Variants in DHRS2 observed in about 807,000 individuals in gnomAD.
DHRS2 encodes the protein dehydrogenase/reductase SDR family member 2, mitochondrial.
DHRS2 carries 29 observed loss-of-function variants against 26.3 expected under a neutral mutation model. That is an observed-to-expected ratio of 1.10 (90% confidence interval 0.82 to 1.50). DHRS2 has a LOEUF of 1.50. Ranked by LOEUF, DHRS2 falls within the 40% of genes most tolerant of loss-of-function variation. The pLI, the probability that DHRS2 is intolerant of heterozygous loss-of-function variation, is 0.00. For missense variants in DHRS2, 439 were observed against 367.1 expected, an observed-to-expected ratio of 1.20 and a Z score of -1.60; for synonymous variants, 164 against 151.3, an observed-to-expected ratio of 1.08 and a Z score of -0.62.
chr14:23,643,100 C>G lies in DHRS2; in HGVS notation c.421-52C>G, dbSNP rs374565133. On this transcript the variant is annotated intron_variant, in intron 4 of 8. Coordinates refer to ENST00000250383, the MANE Select transcript of DHRS2 (RefSeq NM_005794.4). Reference sequence around the variant, plus strand: ...CTCCAAGTGTCTTATGAGAGCAGGACTTGGGCTGACCATGTCTCTCTGCCC... The same window carrying G: ...CTCCAAGTGTCTTATGAGAGCAGGAGTTGGGCTGACCATGTCTCTCTGCCC... 353 of 1,588,420 alleles carry G rather than the reference C, an allele frequency of 2.2e-4. 3 individuals are homozygous for G. The East Asian group carries it at 5.2e-3, about 23-fold the overall frequency.
chr14:23,636,588 C>G lies in DHRS2; in HGVS notation c.-223C>G, dbSNP rs1890298899. ...TCTTTAAGAACCGTAATACTCACCG[C>G]AAGGGTCTGCAACTTCATTCTTGAA... On this transcript the variant is annotated 5_prime_UTR_variant, in exon 1 of 9. Coordinates refer to ENST00000250383, the MANE Select transcript of DHRS2 (RefSeq NM_005794.4). 1 of 152,098 alleles carries G rather than the reference C, an allele frequency of 6.6e-6. No individual in the cohort carries two copies. The highest frequency in any genetic ancestry group is 1.9e-4 in the East Asian group (1 of 5,176). 9.4% of individuals were successfully genotyped at this position (152,098 alleles called of 1,614,324 possible).
intron 5 of DHRS2, 188 bp from the exon 6 acceptor site, chr14:23,643,923 C>T (rs1890766958): frequency 6.4e-6 from 4 of 622,252 alleles, no homozygotes; most frequent in Non-Finnish European, 1.2e-5. Context: ...GGCATGGAAT[C>T]CTAGCTCTGC....
intron 1 of DHRS2, chr14:23,638,599 TGA>T (rs1890462884): frequency 2.4e-6 from 1 of 421,540 alleles, no homozygotes; most frequent in African/African-American, 2.0e-5. Context: ...TAATGAATGT[TGA>T]GTCTCACATT....
At chr14:23,636,127 G>T (rs182490989), upstream of DHRS2, among the ~76,000 whole-genome samples, 1 of 151,994 alleles carries the variant, frequency 6.6e-6, no homozygotes, top group Non-Finnish European at 1.5e-5. Context: ...GGGACTTGGA[G>T]AACTTTTGTG....
intron 1 of DHRS2, chr14:23,637,944 C>T (rs540200193): frequency 6.6e-6 from 1 of 152,332 alleles, no homozygotes; most frequent in African/African-American, 2.4e-5. Context: ...AGCAGGCCAC[C>T]CGAGCCAGCA....
chr14:23,640,438 C>G, intron 4 of DHRS2: 1 of 985,442 alleles, frequency 1.0e-6, no homozygotes, highest in Non-Finnish European at 1.2e-6. Flanking sequence ...TGCTGTAAGT[C>G]CATTCAAGGA....
chr14:23,631,550 C>T (rs56234039), upstream of DHRS2, among the ~76,000 whole-genome samples: 13,020 of 151,552 alleles, frequency 0.086, 2,008 homozygotes, highest in African/African-American at 0.3. Context: ...CTTCCTCTAC[C>T]CCCCCCACCC....
rs765023046 is a variant in DHRS2 at position 23,643,176 on chromosome 14, C to G, written c.445C>G (p.Pro149Ala). The change falls in exon 5 of 9, where the codon CCA becomes GCA. Residue 149 changes from proline (P) to alanine (A), a missense_variant. Transcript: ENST00000250383. ...DKILSVNVKSPALLLSQLLPY... is the reference protein window; with the variant it reads ...DKILSVNVKSAALLLSQLLPY... ...GATCCTAAGTGTGAACGTGAAGTCC[C>G]CAGCCCTGCTGCTGAGCCAGTTGCT... 11 of 1,614,062 alleles carry G rather than the reference C, an allele frequency of 6.8e-6. No homozygotes were observed. Among genetic ancestry groups the G allele is most frequent in the Non-Finnish European group, 8.5e-6 (10 of 1,180,016 alleles).
At chr14:23,634,699 T>C (rs906388664), upstream of DHRS2, among the ~76,000 whole-genome samples, 1 of 152,190 alleles carries the variant, frequency 6.6e-6, no homozygotes, top group African/African-American at 2.4e-5. Flanking sequence ...CCACCGTTAA[T>C]AGGCATATAG....
intron 1 of DHRS2, 121 bp from the exon 2 acceptor site, chr14:23,638,706 C>A (rs1320547471): frequency 2.2e-5 from 23 of 1,047,646 alleles, no homozygotes; most frequent in Non-Finnish European, 3.2e-5. Flanking sequence ...TTTACCCTAA[C>A]CAGCCTGACT....
chr14:23,644,008 GT>G, intron 5 of DHRS2, 102 bp from the exon 6 acceptor site: 1 of 1,187,384 alleles, frequency 8.4e-7, no homozygotes, highest in South Asian at 1.2e-5. Flanking sequence ...AATAGGACCT[GT>G]GTTGCTTCTG....
chr14:23,641,719 G>A (rs1396092994), intron 4 of DHRS2: 3 of 1,289,820 alleles, frequency 2.3e-6, no homozygotes, highest in Admixed American at 4.6e-5. Context: ...TGCAGTCATT[G>A]GGGGTCATCC....
Position 23,639,365 on chromosome 14 carries a change from GC to G in DHRS2, c.318+10del. 1 of 1,557,900 alleles carries G rather than the reference GC, an allele frequency of 6.4e-7. No individual in the cohort carries two copies. Among genetic ancestry groups the G allele is most frequent in the Non-Finnish European group, 8.7e-7 (1 of 1,154,362 alleles). On this transcript the variant is annotated intron_variant, in intron 3 of 8. Transcript: ENST00000250383. ...AGCAGCTGGTGGCCAAGGTGAGGGG[GC>G]AGGCGGTGGAAGGACACAGAGAGGG...
upstream of DHRS2, among the ~76,000 whole-genome samples, chr14:23,633,083 G>A (rs1440734448): frequency 2.0e-5 from 3 of 152,194 alleles, no homozygotes; most frequent in African/African-American, 7.2e-5. Flanking sequence ...TGGGAAATTA[G>A]GATTTGGGTG....
chr14:23,638,628 T>C lies in DHRS2; in HGVS notation c.-38-199T>C, dbSNP rs182724090. 3 of 492,504 alleles carry C rather than the reference T, an allele frequency of 6.1e-6. No homozygotes were observed. In the East Asian group the frequency reaches 1.1e-4, roughly 18 times the overall value. 30.5% of individuals were successfully genotyped at this position (492,504 alleles called of 1,614,324 possible). A position where few individuals can be genotyped will look rare whatever the true frequency, so the allele number is the denominator to read the frequency against. ...TCTCACATTTTAATTTGTGAATAAT[T>C]TCCCCAGTTTTATAGCTTAGGAGTT... On this transcript the variant is annotated intron_variant, in intron 1 of 8. Transcript: ENST00000250383.
In DHRS2 at chr14:23,645,514, G is replaced by T. The variant is rs1890843467; in HGVS notation, c.*261G>T. 1 of 587,242 alleles carries T rather than the reference G, an allele frequency of 1.7e-6. No homozygotes were observed. The allele number at this position is 587,242 out of a possible 1,614,324, so 36.4% of individuals were successfully genotyped here. On this transcript the variant is annotated 3_prime_UTR_variant, in exon 9 of 9. Coordinates refer to ENST00000250383, the MANE Select transcript of DHRS2 (RefSeq NM_005794.4). ...GGAGCTGAAGGATTTTATGGAGCTG[G>T]TGCTTTGGAGGAATCTTAAGGGAAA...
intron 1 of DHRS2, chr14:23,638,607 A>T: frequency 2.3e-6 from 1 of 443,648 alleles, no homozygotes; most frequent in Admixed American, 3.9e-5. Flanking sequence ...GTTGAGTCTC[A>T]CATTTTAATT....
chr14:23,643,498 G>T, intron 5 of DHRS2: 2 of 433,092 alleles, frequency 4.6e-6, no homozygotes, highest in South Asian at 5.3e-5. Flanking sequence ...TTGACCTTGT[G>T]GGCTGGTCAT....
intron 3 of DHRS2, 32 bp downstream of exon 3, chr14:23,639,388 A>G: frequency 1.3e-6 from 2 of 1,543,934 alleles, no homozygotes; most frequent in South Asian, 1.3e-5. Flanking sequence ...GGACACAGAG[A>G]GGGGAACATG....
Sources: allele counts gnomAD v4.1 joint callset (sites outside exome capture counted in the v4.1 genomes callset), GRCh38; gene constraint gnomAD v4.1.1; transcripts MANE v1.5; gene names NCBI Gene and HGNC (gene_info 2026-07-23, HGNC 2026-07-21).